The following TENM3 variants were observed in gnomAD, a reference collection of about 807,000 sequenced individuals.
TENM3 encodes the protein teneurin-3.
Under a neutral mutation model 255.1 loss-of-function variants are expected in TENM3, and 63 were observed. The ratio of observed to expected loss-of-function variants is 0.25; its 90% CI spans 0.20 to 0.30. The LOEUF is 0.30. Among genes scored for constraint, TENM3 ranks in the 10% least tolerant of loss-of-function variants. TENM3 has a pLI of 1.00. For missense variants in TENM3, 2,929 were observed against 3,461.1 expected (o/e 0.85, Z 3.86); for synonymous variants, 1,306 against 1,322.3 (o/e 0.99, Z 0.27).
the TENM3 span, among the ~76,000 whole-genome samples, chr4:181,578,283 G>T: frequency 6.6e-6 from 1 of 152,138 alleles, no homozygotes; most frequent in African/African-American, 2.4e-5. Context: ...GCTTTGTCTG[G>T]AGGTCTGCAC....
intron 4 of TENM3, among the ~76,000 whole-genome samples, chr4:182,605,813 C>G (rs369612024): frequency 2.6e-5 from 4 of 152,124 alleles, no homozygotes; most frequent in African/African-American, 9.7e-5. Context: ...CCATATAGTT[C>G]ATTACTAAAG....
the TENM3 span, among the ~76,000 whole-genome samples, chr4:181,886,933 GA>G: frequency 6.6e-6 from 1 of 152,064 alleles, no homozygotes; most frequent in South Asian, 2.1e-4. Flanking sequence ...TTACCATGAG[GA>G]AAGTTTTCCA....
chr4:182,181,703 T>C (rs1005722500), intron 1 of TENM3, among the ~76,000 whole-genome samples: 3 of 152,202 alleles, frequency 2.0e-5, no homozygotes, highest in African/African-American at 7.2e-5. Context: ...CAGAACACCT[T>C]TGCAAATTCA....
At chr4:182,354,693 T>C (rs1004277342) in intron 3 of TENM3, among the ~76,000 whole-genome samples, 2 of 152,206 alleles carry the variant, frequency 1.3e-5, no homozygotes, top group Non-Finnish European at 2.9e-5. Context: ...TATTTATCAG[T>C]TGACGAGATC....
At chr4:182,135,462 A>T in the TENM3 span, among the ~76,000 whole-genome samples, 1 of 152,158 alleles carries the variant, frequency 6.6e-6, no homozygotes, top group African/African-American at 2.4e-5. Flanking sequence ...TGACATCAGG[A>T]TTTATGGATG....
chr4:182,405,058 C>G (rs1188563100), intron 3 of TENM3, among the ~76,000 whole-genome samples: 1 of 152,128 alleles, frequency 6.6e-6, no homozygotes, highest in Non-Finnish European at 1.5e-5. Flanking sequence ...TCTTACCTGG[C>G]TTTTTTGGTT....
chr4:181,839,452 A>G, the TENM3 span, among the ~76,000 whole-genome samples: 1 of 145,958 alleles, frequency 6.9e-6, no homozygotes, highest in Non-Finnish European at 1.5e-5. Flanking sequence ...GTGCATTGAT[A>G]TATATATCTA....
chr4:182,694,755 G>T (rs995968489), intron 12 of TENM3, among the ~76,000 whole-genome samples: 1 of 152,162 alleles, frequency 6.6e-6, no homozygotes, highest in Non-Finnish European at 1.5e-5. Context: ...GATGCCGAAG[G>T]TTAGAAATTG....
chr4:181,491,276 A>C, the TENM3 span, among the ~76,000 whole-genome samples: 4 of 152,056 alleles, frequency 2.6e-5, no homozygotes. Flanking sequence ...CTTTTTTTGT[A>C]AATATAAGTA....
At chr4:181,489,097 T>G in the TENM3 span, among the ~76,000 whole-genome samples, 18 of 152,278 alleles carry the variant, frequency 1.2e-4, no homozygotes, top group South Asian at 3.7e-3. Flanking sequence ...AGAAAACCAT[T>G]CATTCATCTG....
rs1471823500 is a variant in TENM3, at chr4:182,781,858, TTC to T, written c.5304+6709_5304+6710del. 1.4e-4 allele frequency among the ~76,000 whole-genome samples: 21 copies of T among 151,724 alleles called. No homozygotes were observed. The East Asian group carries it at 3.3e-3, about 24-fold the overall frequency. On this transcript the variant is annotated intron_variant, in intron 24 of 27. Transcript: ENST00000511685. ...TATTTGTGTAGAGGTGTTTGTAGTATTCTCTGATGGTACTTTGTATTTCTGTG... is the reference window on the plus strand; with the variant it reads ...TATTTGTGTAGAGGTGTTTGTAGTATTCTGATGGTACTTTGTATTTCTGTG...
chr4:181,756,459 A>G, the TENM3 span, among the ~76,000 whole-genome samples: 2 of 152,340 alleles, frequency 1.3e-5, no homozygotes, highest in South Asian at 2.1e-4. Flanking sequence ...ATGGAAGCCT[A>G]TGAAACAGGT....
At chr4:182,029,409 T>C in the TENM3 span, among the ~76,000 whole-genome samples, 3 of 152,212 alleles carry the variant, frequency 2.0e-5, no homozygotes, top group Admixed American at 2.0e-4. Flanking sequence ...TTGGAACATC[T>C]GTCAATGCTG....
At chr4:181,777,794 C>G in the TENM3 span, among the ~76,000 whole-genome samples, 1 of 152,050 alleles carries the variant, frequency 6.6e-6, no homozygotes, top group Non-Finnish European at 1.5e-5. Context: ...TCCTTCTTCC[C>G]ACTTTTGAAA....
chr4:182,097,913 G>C, the TENM3 span, among the ~76,000 whole-genome samples: 2 of 152,116 alleles, frequency 1.3e-5, no homozygotes, highest in Non-Finnish European at 2.9e-5. Flanking sequence ...CAGCTAATAA[G>C]TGCAGCTGGA....
chr4:181,790,567 G>T, the TENM3 span, among the ~76,000 whole-genome samples: 1 of 152,156 alleles, frequency 6.6e-6, no homozygotes, highest in African/African-American at 2.4e-5. Context: ...AAATAGAAAA[G>T]TTACTGCTTA....
intron 3 of TENM3, among the ~76,000 whole-genome samples, chr4:182,544,573 A>C (rs1741240959): frequency 1.3e-5 from 2 of 151,838 alleles, no homozygotes; most frequent in Non-Finnish European, 2.9e-5. Flanking sequence ...TCAGGTGAGG[A>C]TTACAGGTGG....
the TENM3 span, among the ~76,000 whole-genome samples, chr4:181,581,760 T>C: frequency 1.3e-5 from 2 of 150,082 alleles, no homozygotes; most frequent in African/African-American, 4.9e-5. Flanking sequence ...TGCGACGGAG[T>C]CTCCCTCTAT....
chr4:181,458,306 G>T, the TENM3 span, among the ~76,000 whole-genome samples: 1 of 151,830 alleles, frequency 6.6e-6, no homozygotes, highest in Non-Finnish European at 1.5e-5. Context: ...TTTGAGTGAG[G>T]TTTTTTGCTT....
Sources: gnomAD v4.1 joint callset for allele counts (sites outside exome capture counted in the v4.1 genomes callset) on GRCh38, gnomAD v4.1.1 for gene constraint, MANE v1.5 for transcripts, NCBI Gene and HGNC (gene_info 2026-07-23, HGNC 2026-07-21) for gene names.